The following ABI3BP variants were observed in gnomAD, a reference collection of about 807,000 sequenced individuals.
ABI3BP encodes target of Nesh-SH3.
Under a neutral mutation model 268.6 loss-of-function variants are expected in ABI3BP, and 216 were observed. That is an observed-to-expected ratio of 0.80 (90% confidence interval 0.72 to 0.90). The LOEUF (loss-of-function observed/expected upper bound fraction) is 0.90, where lower values mean the gene tolerates loss of function less well. Among genes scored for constraint, ABI3BP ranks in the 40% least tolerant of loss-of-function variants. The pLI, the probability that ABI3BP is intolerant of heterozygous loss-of-function variation, is 0.00. For synonymous variants in ABI3BP, 730 were observed against 730.0 expected (o/e 1.00, Z 0.00); for missense variants, 2,090 against 2,182.4 (o/e 0.96, Z 0.84).
chr3:100,821,016 A>AG (rs1337094047), intron 39 of ABI3BP, 38 bp downstream of exon 39: 6 of 1,503,056 alleles, frequency 4.0e-6, no homozygotes, highest in Non-Finnish European at 4.5e-6. Context: ...GACGATGAGA[A>AG]GGAAGAACAC....
In ABI3BP at chr3:100,754,606, A is replaced by G. The variant is rs1171390089; in HGVS notation, c.4930+6T>C. 3 of 1,574,390 alleles carry G rather than the reference A, an allele frequency of 1.9e-6. No individual in the cohort carries two copies. The highest frequency in any genetic ancestry group is 1.7e-4 in the Middle Eastern group (1 of 6,042). ...CCTTTTTGGGAATTACTGTTGATGT[A>G]ATTACCTGATTCAGTACTGAATGCC... is the stretch of plus-strand genomic sequence containing the variant. On this transcript the variant is annotated splice_donor_region_variant and intron_variant, in intron 64 of 67. Coordinates refer to ENST00000471714, the MANE Select transcript of ABI3BP (RefSeq NM_001375547.2).
intron 31 of ABI3BP, 96 bp downstream of exon 31, chr3:100,832,168 A>T: frequency 8.4e-7 from 1 of 1,197,344 alleles, no homozygotes; most frequent in Non-Finnish European, 1.2e-6. Context: ...TAAGAGATAT[A>T]TAGGGCACAA....
At chr3:100,752,135 C>T (rs141715370) in intron 66 of ABI3BP, among the ~76,000 whole-genome samples, 2 of 152,150 alleles carry the variant, frequency 1.3e-5, no homozygotes, top group East Asian at 3.9e-4. Context: ...TTTAGAGAGG[C>T]CTTCACCTTT....
intron 22 of ABI3BP, 141 bp downstream of exon 22, chr3:100,840,677 ACT>A (rs2098681509): frequency 1.6e-6 from 1 of 644,016 alleles, no homozygotes; most frequent in Admixed American, 3.5e-5. Flanking sequence ...ATAGGAATTA[ACT>A]TTTTTTTCTG....
In ABI3BP at chr3:100,812,523, A is replaced by G; in HGVS notation, c.3365T>C (p.Val1122Ala). Residue 1122 changes from valine (V) to alanine (A), a missense_variant and splice_region_variant, in exon 46 of 68, where the codon GTT becomes GCT. Coordinates refer to ENST00000471714, the MANE Select transcript of ABI3BP (RefSeq NM_001375547.2). ...TGTAACCGATTCCAGAACATCAGAAACTAGTAAAAAACAGAAAATGGTACA... is the reference window on the plus strand; with the variant it reads ...TGTAACCGATTCCAGAACATCAGAAGCTAGTAAAAAACAGAAAATGGTACA... The part of the protein sequence containing the change: ...PSLEMTESQP[V>A]SDVLESVTLS... 1 of 1,329,974 alleles carries G rather than the reference A, an allele frequency of 7.5e-7. No individual in the cohort carries two copies. The highest frequency in any genetic ancestry group is 9.6e-7 in the Non-Finnish European group (1 of 1,040,690). The allele number at this position is 1,329,974 out of a possible 1,614,324, so 82.4% of individuals were successfully genotyped here. A position where few individuals can be genotyped will look rare whatever the true frequency, so the allele number is the denominator to read the frequency against.
chr3:100,847,580 A>G, intron 19 of ABI3BP, 22 bp downstream of exon 19: 1 of 1,583,098 alleles, frequency 6.3e-7, no homozygotes, highest in Non-Finnish European at 8.7e-7. Context: ...CAACACATCT[A>G]CTAAGGACAT....
At chr3:100,767,586 G>A (rs1430346515) in intron 62 of ABI3BP, among the ~76,000 whole-genome samples, 56 of 145,010 alleles carry the variant, frequency 3.9e-4, no homozygotes, top group Middle Eastern at 3.5e-3. Flanking sequence ...TAAAATGCAA[G>A]TAAAATTGAT....
intron 1 of ABI3BP, among the ~76,000 whole-genome samples, chr3:100,963,556 A>G (rs923793970): frequency 1.3e-5 from 2 of 152,208 alleles, no homozygotes; most frequent in Non-Finnish European, 2.9e-5. Flanking sequence ...ATAATTCAGA[A>G]CATATAGCTC....
chr3:100,890,122 T>A (rs1051768540), intron 4 of ABI3BP, among the ~76,000 whole-genome samples: 2 of 152,162 alleles, frequency 1.3e-5, no homozygotes, highest in African/African-American at 2.4e-5. Context: ...GCTTAGTCCT[T>A]CTACGAACTA....
At chr3:100,937,723 C>G (rs1362962733) in intron 1 of ABI3BP, among the ~76,000 whole-genome samples, 2 of 152,058 alleles carry the variant, frequency 1.3e-5, no homozygotes, top group Non-Finnish European at 2.9e-5. Context: ...TTATTATGCT[C>G]TAAGAACGGA....
intron 9 of ABI3BP, among the ~76,000 whole-genome samples, chr3:100,874,166 A>G (rs1324706224): frequency 6.6e-6 from 1 of 151,954 alleles, no homozygotes; most frequent in Admixed American, 6.6e-5. Flanking sequence ...GACCTACTGA[A>G]TCAGTAATTC....
At chr3:100,894,977 A>T (rs1454627505) in intron 4 of ABI3BP, among the ~76,000 whole-genome samples, 1 of 149,676 alleles carries the variant, frequency 6.7e-6, no homozygotes, top group African/African-American at 2.4e-5. Flanking sequence ...ACAGAAAAAA[A>T]AAACACAAGA....
chr3:100,837,035 A>C (rs2098604009), intron 27 of ABI3BP, 89 bp downstream of exon 27: 1 of 1,241,894 alleles, frequency 8.1e-7, no homozygotes, highest in South Asian at 1.5e-5. Flanking sequence ...ATGGTGAATG[A>C]CAATTGTGCA....
chr3:100,936,270 G>T (rs957635344), intron 1 of ABI3BP, among the ~76,000 whole-genome samples: 2 of 152,086 alleles, frequency 1.3e-5, no homozygotes, highest in African/African-American at 4.8e-5. Flanking sequence ...TTATTTGATG[G>T]ATTACATTTA....
Position 100,875,548 on chromosome 3 carries a change from A to G in ABI3BP, c.777T>C (p.Ala259=). Residue 259 remains alanine (A), a synonymous_variant, in exon 8 of 68, where the codon GCT becomes GCC. Transcript: ENST00000471714. ...VIQNVTHKDS[A]KSPEKAPLGG... is the part of the protein sequence containing the mutation. ...CCAGTGGAGCTTTTTCTGGGGATTTAGCTGAATCCTTGTGAGTAACATTCT... is the reference window on the plus strand; with the variant it reads ...CCAGTGGAGCTTTTTCTGGGGATTTGGCTGAATCCTTGTGAGTAACATTCT... The G allele has an allele frequency of 6.2e-7, 1 of 1,613,550 alleles. No homozygotes were observed. The highest frequency in any genetic ancestry group is 8.5e-7 in the Non-Finnish European group (1 of 1,179,488).
At chr3:100,871,543 T>G (rs2099109595) in intron 9 of ABI3BP, among the ~76,000 whole-genome samples, 1 of 152,174 alleles carries the variant, frequency 6.6e-6, no homozygotes. Context: ...TCCCATGCTA[T>G]TCTCGTGATA....
chr3:100,827,404 T>G (rs2098408268), intron 34 of ABI3BP, among the ~76,000 whole-genome samples: 1 of 151,886 alleles, frequency 6.6e-6, no homozygotes, highest in Non-Finnish European at 1.5e-5. Context: ...GCTCCTAAGC[T>G]CCATAAACCA....
intron 22 of ABI3BP, among the ~76,000 whole-genome samples, chr3:100,840,615 T>C (rs1457582433): frequency 1.3e-5 from 2 of 152,220 alleles, no homozygotes; most frequent in Non-Finnish European, 2.9e-5. Context: ...TCACTAATTA[T>C]GTCAGGACAG....
intron 63 of ABI3BP, among the ~76,000 whole-genome samples, chr3:100,759,300 A>T (rs1250758327): frequency 6.6e-6 from 1 of 152,186 alleles, no homozygotes; most frequent in African/African-American, 2.4e-5. Flanking sequence ...ACTGCTCAAC[A>T]TGGGAAAGGA....
Sources: allele counts gnomAD v4.1 joint callset (sites outside exome capture counted in the v4.1 genomes callset), GRCh38; gene constraint gnomAD v4.1.1; transcripts MANE v1.5; gene names NCBI Gene and HGNC (gene_info 2026-07-23, HGNC 2026-07-21).